ERG: variants seen among roughly 807,000 people sequenced by gnomAD.
ERG encodes ETS transcription factor ERG.
ERG carries 9 observed loss-of-function variants against 55.3 expected under a neutral mutation model. The observed-to-expected ratio is 0.16, with a 90% CI of 0.10 to 0.28. The LOEUF (loss-of-function observed/expected upper bound fraction) is 0.28, where lower values mean the gene tolerates loss of function less well. Among genes scored for constraint, ERG ranks in the 10% least tolerant of loss-of-function variants. ERG has a pLI of 1.00. For missense variants in ERG, 434 were observed against 631.6 expected, an observed-to-expected ratio of 0.69 and a Z score of 3.35; for synonymous variants, 223 against 237.3, an observed-to-expected ratio of 0.94 and a Z score of 0.55.
rs139451701 is a variant in ERG at position 38,655,434 on chromosome 21, A to G, written c.-150+6224T>C. Among the ~76,000 whole-genome samples the G allele has an allele frequency of 7.5e-3, 1,145 of 152,310 alleles. 7 individuals are homozygous for G. The highest frequency in any genetic ancestry group is 0.021 in the South Asian group (102 of 4,818). On this transcript the variant is annotated intron_variant, in intron 1 of 10. Coordinates refer to the ERG transcript ENST00000398910. The stretch of plus-strand genomic sequence containing the variant: ...CCAAGAGTCCTCATTTTAAGAACAC[A>G]ATGCAATGCTAGCATTGCACTAGCA...
downstream of ERG, among the ~76,000 whole-genome samples, chr21:38,378,729 C>T (rs548028855): frequency 9.2e-5 from 14 of 152,288 alleles, no homozygotes; most frequent in Middle Eastern, 3.4e-3. Flanking sequence ...AATAAGTCCT[C>T]GTTTGTGACC....
At chr21:38,488,155 A>G (rs78212115) in intron 1 of ERG, among the ~76,000 whole-genome samples, 2 of 152,266 alleles carry the variant, frequency 1.3e-5, no homozygotes, top group East Asian at 3.9e-4. Flanking sequence ...GTGATTGTCT[A>G]TGAGAGCTAG....
At chr21:38,497,564 C>A (rs751395630) in intron 1 of ERG, among the ~76,000 whole-genome samples, 20 of 152,140 alleles carry the variant, frequency 1.3e-4, no homozygotes, top group Non-Finnish European at 2.8e-4. Context: ...AGGAATCAGG[C>A]CATATTTAGG....
intron 2 of ERG, among the ~76,000 whole-genome samples, chr21:38,508,060 T>C (rs1398757784): frequency 0.027 from 15 of 566 alleles, no homozygotes; most frequent in South Asian, 0.12. Flanking sequence ...TAAACACACA[T>C]ATACACACAT....
intron 1 of ERG, among the ~76,000 whole-genome samples, chr21:38,578,216 A>G (rs1211005421): frequency 6.6e-6 from 1 of 152,230 alleles, no homozygotes; most frequent in East Asian, 1.9e-4. Context: ...ATCATGACCA[A>G]TAATAAATGG....
intron 3 of ERG, among the ~76,000 whole-genome samples, chr21:38,423,021 G>A (rs1398128826): frequency 1.3e-5 from 2 of 151,876 alleles, no homozygotes; most frequent in Admixed American, 6.6e-5. Context: ...ATATGTGTGT[G>A]CACACAAGCA....
intron 1 of ERG, among the ~76,000 whole-genome samples, chr21:38,458,767 C>T (rs545694279): frequency 1.3e-5 from 2 of 152,236 alleles, no homozygotes; most frequent in South Asian, 4.2e-4. Flanking sequence ...ATTGGCCATA[C>T]TTACTTACTT....
the ERG span, among the ~76,000 whole-genome samples, chr21:38,372,663 G>C: frequency 6.6e-6 from 1 of 151,890 alleles, no homozygotes; most frequent in Admixed American, 6.6e-5. Context: ...GTCTGAGTAG[G>C]TATTATATTA....
upstream of ERG, among the ~76,000 whole-genome samples, chr21:38,587,714 T>C (rs187533898): frequency 3.3e-5 from 5 of 152,340 alleles, no homozygotes; most frequent in East Asian, 7.7e-4. Context: ...ATATTGACTA[T>C]TGCTTGGTTA....
intron 1 of ERG, among the ~76,000 whole-genome samples, chr21:38,596,061 G>C (rs566540284): frequency 0.019 from 2,912 of 151,118 alleles, 53 homozygotes; most frequent in Non-Finnish European, 0.03. Flanking sequence ...GGGATTGGGG[G>C]GGGGGGGTCT....
chr21:38,587,930 C>A (rs2069470317), upstream of ERG, among the ~76,000 whole-genome samples: 1 of 152,152 alleles, frequency 6.6e-6, no homozygotes, highest in South Asian at 2.1e-4. Context: ...CAGAGTCAAG[C>A]CCAGAGAGGA....
At chr21:38,474,113 G>A (rs193120661) in intron 1 of ERG, 1 of 152,248 alleles carries the variant, frequency 6.6e-6, no homozygotes, top group African/African-American at 2.4e-5. Flanking sequence ...CATCATCAAT[G>A]GAGTTTAACT....
intron 9 of ERG, among the ~76,000 whole-genome samples, chr21:38,385,753 T>A (rs1172525027): frequency 6.6e-6 from 1 of 152,210 alleles, no homozygotes; most frequent in African/African-American, 2.4e-5. Context: ...TTTATTAATA[T>A]GCATTTAGAA....
At chr21:38,527,649 C>A (rs1477505711) in intron 2 of ERG, among the ~76,000 whole-genome samples, 2 of 152,032 alleles carry the variant, frequency 1.3e-5, no homozygotes, top group African/African-American at 4.8e-5. Context: ...TACACGGAGG[C>A]CAAAGAAAAA....
chr21:38,597,967 A>C (rs571077889), intron 1 of ERG, among the ~76,000 whole-genome samples: 161 of 152,240 alleles, frequency 1.1e-3, no homozygotes, highest in Non-Finnish European at 1.8e-3. Flanking sequence ...TAATAAGCAC[A>C]AAACAATCCA....
intron 1 of ERG, among the ~76,000 whole-genome samples, chr21:38,494,759 G>C (rs1230478703): frequency 6.6e-6 from 1 of 152,226 alleles, no homozygotes; most frequent in Non-Finnish European, 1.5e-5. Flanking sequence ...CCCACAGATG[G>C]AGCCATTCTC....
intron 1 of ERG, among the ~76,000 whole-genome samples, chr21:38,603,453 T>C (rs2060176920): frequency 6.6e-6 from 1 of 151,998 alleles, no homozygotes; most frequent in Admixed American, 6.5e-5. Flanking sequence ...ACCCTGTCTC[T>C]ACTAAAAATA....
chr21:38,563,331 C>T (rs2059903941), intron 2 of ERG, among the ~76,000 whole-genome samples: 1 of 152,308 alleles, frequency 6.6e-6, no homozygotes, highest in African/African-American at 2.4e-5. Context: ...AGGTTCAGCC[C>T]TTGTTACACG....
intron 1 of ERG, among the ~76,000 whole-genome samples, chr21:38,606,235 A>G (rs539082483): frequency 7.5e-4 from 114 of 152,320 alleles, no homozygotes; most frequent in African/African-American, 2.6e-3. Context: ...AGGCAGATAG[A>G]TAATTGATAG....
Sources: allele counts gnomAD v4.1 joint callset (sites outside exome capture counted in the v4.1 genomes callset), GRCh38; gene constraint gnomAD v4.1.1; transcripts MANE v1.5; gene names NCBI Gene and HGNC (gene_info 2026-07-23, HGNC 2026-07-21).